PIGL: variants seen among roughly 807,000 people sequenced by gnomAD.
PIGL encodes phosphatidylinositol glycan anchor biosynthesis class L.
In PIGL, 22 loss-of-function variants were observed where a neutral mutation model predicts 31.1. The observed-to-expected ratio is 0.71, with a 90% confidence interval of 0.51 to 1.01. PIGL has a LOEUF of 1.01. Among genes scored for constraint, PIGL ranks in the 50% least tolerant of loss-of-function variants. The pLI, the probability that PIGL is intolerant of heterozygous loss-of-function variation, is 0.00. For missense variants in PIGL, 302 were observed against 315.9 expected (o/e 0.96, Z 0.33); for synonymous variants, 131 against 117.4 (o/e 1.12, Z -0.75).
rs144691394 is a variant in PIGL at position 16,218,797 on chromosome 17, G to A, written c.235+1336G>A. Reference sequence around the variant, plus strand: ...GGGTTCAAGTGATTCTCCTGCGTCAGCCTGCCAAGTAGCTGGGTTTACAAG... The same window carrying A: ...GGGTTCAAGTGATTCTCCTGCGTCAACCTGCCAAGTAGCTGGGTTTACAAG... On this transcript the variant is annotated intron_variant, in intron 1 of 6. Coordinates refer to ENST00000225609, the MANE Select transcript of PIGL (RefSeq NM_004278.4). Among the ~76,000 whole-genome samples the A allele has an allele frequency of 4.1e-3, 621 of 149,910 alleles. 6 individuals are homozygous for A. Among genetic ancestry groups the A allele is most frequent in the African/African-American group, 0.015 (599 of 40,784 alleles).
At chr17:16,299,743 C>A in intron 2 of PIGL, 145 bp from the exon 3 acceptor site, 1 of 667,428 alleles carries the variant, frequency 1.5e-6, no homozygotes. Flanking sequence ...TAAATCTCAC[C>A]TTAACTGAAA....
intron 5 of PIGL, 80 bp from the exon 6 acceptor site, chr17:16,317,695 G>T: frequency 6.3e-7 from 1 of 1,598,074 alleles, no homozygotes; most frequent in Admixed American, 1.7e-5. Flanking sequence ...TGAGCCACAG[G>T]GTAGAGGGAG....
At chr17:16,247,927 G>A (rs547514231) in intron 2 of PIGL, among the ~76,000 whole-genome samples, 45 of 151,680 alleles carry the variant, frequency 3.0e-4, no homozygotes, top group African/African-American at 9.7e-4. Context: ...TCACTCTGTC[G>A]CCCAGGCTGG....
chr17:16,315,708 C>CTTTTTTTTTTTTT lies in PIGL; in HGVS notation c.495-960_495-948dup, dbSNP rs1157169209. Among the ~76,000 whole-genome samples, 86 of 59,008 alleles carry CTTTTTTTTTTTTT rather than the reference C, an allele frequency of 1.5e-3. 1 individual carries two copies. Among genetic ancestry groups the CTTTTTTTTTTTTT allele is most frequent in the East Asian group, 3.9e-3 (8 of 2,052 alleles). The allele number at this position is 59,008 out of a possible 152,430, so 38.7% of individuals were successfully genotyped here. On this transcript the variant is annotated intron_variant, in intron 4 of 6. Coordinates refer to ENST00000225609, the MANE Select transcript of PIGL (RefSeq NM_004278.4). ...CTTTTCTTTCTTTCTTTCTTTCTTT[C>CTTTTTTTTTTTTT]TTTTTTTTTTTTTTTTTTTTTTTTT...
At position 16,239,275 on chromosome 17, in the gene PIGL, G is replaced by A. The variant is rs1404994180; in HGVS notation, c.335+5205G>A. 7.3e-5 allele frequency among the ~76,000 whole-genome samples: 11 copies of A among 150,754 alleles called. No homozygotes were observed. The Admixed American group carries it at 7.3e-4, about 10-fold the overall frequency. ...GAGGCAGGCGGATCAGGAGGTCAAG[G>A]GTTCAAGACCAGCCTGGCCAACATG... On this transcript the variant is annotated intron_variant, in intron 2 of 6. Transcript: ENST00000225609.
At chr17:16,286,308 G>A (rs1358068375) in intron 2 of PIGL, among the ~76,000 whole-genome samples, 1 of 152,268 alleles carries the variant, frequency 6.6e-6, no homozygotes. Context: ...GAAGTCTCCT[G>A]CTCTGAGCAG....
Position 16,326,048 on chromosome 17 carries a change from G to A in PIGL, c.*150G>A, listed in dbSNP as rs769503838. The A allele has an allele frequency of 8.3e-6, 5 of 601,272 alleles. No homozygotes were observed. Among genetic ancestry groups the A allele is most frequent in the African/African-American group, 7.5e-5 (4 of 53,686 alleles). 37.2% of individuals were successfully genotyped at this position (601,272 alleles called of 1,614,324 possible). On this transcript the variant is annotated 3_prime_UTR_variant, in exon 7 of 7. Transcript: ENST00000225609. ...AAAAGGGAGCCCATGTAGGCCAGGG[G>A]CTGTCCAAACTCCAGCTTCTTCCCC...
At chr17:16,316,899 C>A (rs1045324026) in intron 5 of PIGL, 187 bp downstream of exon 5, 57 of 1,374,590 alleles carry the variant, frequency 4.1e-5, no homozygotes, top group Non-Finnish European at 5.3e-5. Context: ...CAAGTGCCTG[C>A]CTGCAGGGCC....
chr17:16,268,893 G>A (rs1043229550), intron 2 of PIGL, among the ~76,000 whole-genome samples: 5 of 152,078 alleles, frequency 3.3e-5, no homozygotes, highest in African/African-American at 1.2e-4. Flanking sequence ...CTCCTGAGTA[G>A]CTGGGACTAC....
At chr17:16,323,405 G>T (rs2093113946) in intron 6 of PIGL, among the ~76,000 whole-genome samples, 1 of 151,536 alleles carries the variant, frequency 6.6e-6, no homozygotes, top group Non-Finnish European at 1.5e-5. Flanking sequence ...GGCTAATTTT[G>T]TATTTTTTAG....
At position 16,217,395 on chromosome 17, in the gene PIGL, T is replaced by C. The variant is rs587784324; in HGVS notation, c.169T>C (p.Phe57Leu). The change falls in exon 1 of 7, where the codon TTT becomes CTT. Residue 57 changes from phenylalanine to leucine, a missense_variant. Physicochemically the swap from Phe to Leu is conservative, Grantham distance 22. Coordinates refer to ENST00000225609, the MANE Select transcript of PIGL (RefSeq NM_004278.4). ...GCACCCTGACGATGAAGCCATGTTT[T>C]TTGCTCCCACAGTGCTAGGCTTGGC... is the stretch of plus-strand genomic sequence containing the variant. ...IAHPDDEAMF[F>L]APTVLGLARL... 2 of 1,614,180 alleles carry C rather than the reference T, an allele frequency of 1.2e-6. No homozygotes were observed. Among genetic ancestry groups the C allele is most frequent in the Non-Finnish European group, 1.7e-6 (2 of 1,180,028 alleles).
intron 2 of PIGL, among the ~76,000 whole-genome samples, chr17:16,270,800 G>A (rs1462982449): frequency 6.6e-6 from 1 of 151,984 alleles, no homozygotes; most frequent in Non-Finnish European, 1.5e-5. Context: ...GGGAGGCTGA[G>A]GAGAATCACT....
At position 16,288,532 on chromosome 17, in the gene PIGL, T is replaced by C. The variant is rs1302875046; in HGVS notation, c.336-11356T>C. On this transcript the variant is annotated intron_variant, in intron 2 of 6. Transcript: ENST00000225609. ...TTACTATTATTCTTTTTTTCTTTTCTTTTTTTTCTTTTTCTTTTTTTTTGA... is the reference window on the plus strand; with the variant it reads ...TTACTATTATTCTTTTTTTCTTTTCCTTTTTTTCTTTTTCTTTTTTTTTGA... Among the ~76,000 whole-genome samples the C allele has an allele frequency of 3.7e-5, 5 of 136,204 alleles. No homozygotes were observed. The Admixed American group carries it at 3.8e-4, about 10-fold the overall frequency. 89.4% of individuals were successfully genotyped at this position (136,204 alleles called of 152,430 possible). A position where few individuals can be genotyped will look rare whatever the true frequency, so the allele number is the denominator to read the frequency against.
chr17:16,251,262 C>CA (rs1445597772), intron 2 of PIGL, among the ~76,000 whole-genome samples: 1 of 151,804 alleles, frequency 6.6e-6, no homozygotes, highest in Non-Finnish European at 1.5e-5. Flanking sequence ...CCCATCTCTA[C>CA]AAAAAATAAA....
intron 2 of PIGL, among the ~76,000 whole-genome samples, chr17:16,246,847 G>A (rs1416345369): frequency 4.6e-5 from 7 of 150,540 alleles, no homozygotes; most frequent in South Asian, 2.1e-4. Flanking sequence ...CACCGCGCCC[G>A]GCTAATTTTT....
intron 2 of PIGL, among the ~76,000 whole-genome samples, chr17:16,250,608 T>G (rs557842424): frequency 6.6e-6 from 1 of 152,180 alleles, no homozygotes; most frequent in Non-Finnish European, 1.5e-5. Context: ...TTTAGATAAG[T>G]CAAAGAGAAG....
chr17:16,272,864 C>T (rs1170925709), intron 2 of PIGL, among the ~76,000 whole-genome samples: 1 of 152,084 alleles, frequency 6.6e-6, no homozygotes, highest in African/African-American at 2.4e-5. Flanking sequence ...TCTGCCTGGT[C>T]CTCTATGATT....
chr17:16,240,874 C>T (rs898742756), intron 2 of PIGL, among the ~76,000 whole-genome samples: 124 of 100,104 alleles, frequency 1.2e-3, no homozygotes, highest in African/African-American at 5.6e-3. Context: ...TTTGGGAGGC[C>T]GAGGGGGTGG....
At chr17:16,252,877 T>C (rs1010863975) in intron 2 of PIGL, among the ~76,000 whole-genome samples, 1 of 152,146 alleles carries the variant, frequency 6.6e-6, no homozygotes, top group African/African-American at 2.4e-5. Flanking sequence ...CCTAAGTGCT[T>C]AGACTAGAAA....
Sources: allele counts gnomAD v4.1 joint callset (sites outside exome capture counted in the v4.1 genomes callset), GRCh38; gene constraint gnomAD v4.1.1; transcripts MANE v1.5; gene names NCBI Gene and HGNC (gene_info 2026-07-23, HGNC 2026-07-21).